The following NDST3 variants were observed in gnomAD, a reference collection of about 807,000 sequenced individuals.
NDST3 encodes the protein N-deacetylase and N-sulfotransferase 3, also known as bifunctional heparan sulfate N-deacetylase/N-sulfotransferase 3.
NDST3 carries 58 observed loss-of-function variants against 96.1 expected under a neutral mutation model. The observed-to-expected ratio is 0.60, with a 90% CI of 0.49 to 0.75. NDST3 has a LOEUF of 0.75. Among genes scored for constraint, NDST3 ranks in the 30% least tolerant of loss-of-function variants. NDST3 has a pLI of 0.00. For synonymous variants in NDST3, 333 were observed against 359.7 expected, an observed-to-expected ratio of 0.93 and a Z score of 0.84; for missense variants, 788 against 1,034.2, an observed-to-expected ratio of 0.76 and a Z score of 3.27.
chr4:118,105,361 G>A (rs1730085669), intron 3 of NDST3, among the ~76,000 whole-genome samples: 1 of 152,086 alleles, frequency 6.6e-6, no homozygotes, highest in Non-Finnish European at 1.5e-5. Flanking sequence ...TAGTAAATGT[G>A]ATATTCAGTG....
intron 1 of NDST3, among the ~76,000 whole-genome samples, chr4:118,048,351 T>A (rs900255206): frequency 6.6e-6 from 1 of 151,940 alleles, no homozygotes; most frequent in South Asian, 2.1e-4. Context: ...AACAACATGA[T>A]GACAGGACCA....
chr4:118,223,834 T>C (rs556415166), intron 6 of NDST3, among the ~76,000 whole-genome samples: 6 of 152,076 alleles, frequency 3.9e-5, no homozygotes, highest in Non-Finnish European at 5.9e-5. Flanking sequence ...AGCATAAACG[T>C]CACAATGGCT....
chr4:118,130,875 C>A (rs1732554193), intron 4 of NDST3, among the ~76,000 whole-genome samples: 1 of 152,164 alleles, frequency 6.6e-6, no homozygotes, highest in South Asian at 2.1e-4. Context: ...TCCTTCAGCA[C>A]TTTAAACATG....
chr4:118,129,659 T>C (rs1489229466), intron 4 of NDST3, among the ~76,000 whole-genome samples: 1 of 152,126 alleles, frequency 6.6e-6, no homozygotes, highest in Non-Finnish European at 1.5e-5. Flanking sequence ...ATGTGTATTC[T>C]GTAGCCTTTG....
chr4:118,055,243 T>C (rs371172690), intron 2 of NDST3: 58 of 249,746 alleles, frequency 2.3e-4, no homozygotes, highest in African/African-American at 1.2e-3. Flanking sequence ...AAATATGAAA[T>C]TAAAGTGAAT....
At chr4:118,159,988 C>A (rs1383914674) in intron 6 of NDST3, among the ~76,000 whole-genome samples, 2 of 152,080 alleles carry the variant, frequency 1.3e-5, no homozygotes, top group African/African-American at 2.4e-5. Context: ...GAGAACAATG[C>A]AGAAAGCTTA....
chr4:118,175,109 C>A (rs1225768147), intron 6 of NDST3, among the ~76,000 whole-genome samples: 2 of 152,102 alleles, frequency 1.3e-5, no homozygotes, highest in Non-Finnish European at 2.9e-5. Flanking sequence ...CTCTGGTGTA[C>A]CTCATCAATT....
At chr4:118,187,450 T>C (rs1267490543) in intron 6 of NDST3, among the ~76,000 whole-genome samples, 1 of 151,948 alleles carries the variant, frequency 6.6e-6, no homozygotes, top group South Asian at 2.1e-4. Flanking sequence ...TAATCCATGA[T>C]GTACCTTAAG....
chr4:118,239,747 T>C (rs1201688147), intron 10 of NDST3, among the ~76,000 whole-genome samples: 1 of 152,186 alleles, frequency 6.6e-6, no homozygotes, highest in East Asian at 1.9e-4. Context: ...TGTAGTCCAG[T>C]GATTTGAATC....
At chr4:118,178,491 G>A (rs11946833) in intron 6 of NDST3, among the ~76,000 whole-genome samples, 8,752 of 152,026 alleles carry the variant, frequency 0.058, 526 homozygotes, top group African/African-American at 0.15. Flanking sequence ...GTTCATTGAT[G>A]TTATCGCATG....
At chr4:118,063,248 G>A (rs1309507147) in intron 2 of NDST3, among the ~76,000 whole-genome samples, 3 of 151,146 alleles carry the variant, frequency 2.0e-5, no homozygotes, top group Non-Finnish European at 4.4e-5. Flanking sequence ...ATACAGGAGG[G>A]CTGTCATAAA....
At position 118,053,832 on chromosome 4, in the gene NDST3, A is replaced by G. The variant is rs1327222398; in HGVS notation, c.-79A>G. On this transcript the variant is annotated 5_prime_UTR_variant, in exon 2 of 14. Coordinates refer to ENST00000296499, the MANE Select transcript of NDST3 (RefSeq NM_004784.3). Reference sequence around the variant, plus strand: ...GACATAAACTCTTGACAGAGATTGGAAAAGTAGCTGGAACACCATCTTTTC... The same window carrying G: ...GACATAAACTCTTGACAGAGATTGGGAAAGTAGCTGGAACACCATCTTTTC... The G allele has an allele frequency of 5.4e-6, 8 of 1,475,398 alleles. No individual in the cohort carries two copies. The East Asian group carries it at 1.6e-4, about 29-fold the overall frequency. The allele number at this position is 1,475,398 out of a possible 1,614,324, so 91.4% of individuals were successfully genotyped here.
intron 1 of NDST3, among the ~76,000 whole-genome samples, chr4:118,048,560 A>T (rs1468860644): frequency 6.6e-6 from 1 of 152,192 alleles, no homozygotes; most frequent in Non-Finnish European, 1.5e-5. Context: ...AAAATATACA[A>T]AGATCAGGAG....
At chr4:118,162,122 C>T (rs1193122457) in intron 6 of NDST3, among the ~76,000 whole-genome samples, 1 of 152,148 alleles carries the variant, frequency 6.6e-6, no homozygotes, top group African/African-American at 2.4e-5. Context: ...AATGGAAGAA[C>T]ATTCCATGCT....
chr4:118,063,805 G>C (rs1280373989), intron 2 of NDST3, among the ~76,000 whole-genome samples: 1 of 152,170 alleles, frequency 6.6e-6, no homozygotes, highest in African/African-American at 2.4e-5. Flanking sequence ...CAACTAGTAA[G>C]TGGCATTCCT....
chr4:118,098,056 T>TC (rs1729486049), intron 2 of NDST3, among the ~76,000 whole-genome samples: 1 of 151,434 alleles, frequency 6.6e-6, no homozygotes, highest in Non-Finnish European at 1.5e-5. Flanking sequence ...TGGTTTTTTT[T>TC]AAGTATTTAG....
intron 6 of NDST3, among the ~76,000 whole-genome samples, chr4:118,174,159 C>A (rs1436367922): frequency 6.6e-6 from 1 of 152,188 alleles, no homozygotes; most frequent in South Asian, 2.1e-4. Context: ...AATGGGAATG[C>A]GTCAGAAGCA....
At chr4:118,242,692 CT>C (rs1405299618) in intron 12 of NDST3, among the ~76,000 whole-genome samples, 2 of 152,190 alleles carry the variant, frequency 1.3e-5, no homozygotes, top group Non-Finnish European at 2.9e-5. Context: ...CCTGTCATCT[CT>C]GCTTCAGAGT....
intron 6 of NDST3, among the ~76,000 whole-genome samples, chr4:118,223,106 T>C (rs1203314792): frequency 6.6e-6 from 1 of 152,020 alleles, no homozygotes; most frequent in African/African-American, 2.4e-5. Context: ...ACCAGAAGTA[T>C]CATTTTTCTA....
Sources: allele counts gnomAD v4.1 joint callset (sites outside exome capture counted in the v4.1 genomes callset), GRCh38; gene constraint gnomAD v4.1.1; transcripts MANE v1.5; gene names NCBI Gene and HGNC (gene_info 2026-07-23, HGNC 2026-07-21).